The following ABLIM1 variants were observed in gnomAD, a reference collection of about 807,000 sequenced individuals.
ABLIM1 encodes the protein actin binding LIM protein 1.
ABLIM1 carries 40 observed loss-of-function variants against 107.0 expected under a neutral mutation model. The observed-to-expected ratio is 0.37, with a 90% CI of 0.29 to 0.49. The LOEUF is 0.49. ABLIM1 is among the 20% of genes least tolerant of loss of function. The pLI, the probability that ABLIM1 is intolerant of heterozygous loss-of-function variation, is 0.97. For synonymous variants in ABLIM1, 357 were observed against 357.3 expected, an observed-to-expected ratio of 1.00 and a Z score of 0.01; for missense variants, 857 against 1,008.5, an observed-to-expected ratio of 0.85 and a Z score of 2.04.
intron 6 of ABLIM1, among the ~76,000 whole-genome samples, chr10:114,498,651 T>C (rs958178204): frequency 6.6e-6 from 1 of 152,238 alleles, no homozygotes; most frequent in African/African-American, 2.4e-5. Flanking sequence ...TTATAACTTA[T>C]GTTCTGCCTA....
At chr10:114,743,138 G>A (rs890400413) in intron 1 of ABLIM1, among the ~76,000 whole-genome samples, 5 of 152,026 alleles carry the variant, frequency 3.3e-5, no homozygotes, top group East Asian at 3.8e-4. Context: ...GCATTAATAC[G>A]GTTAAAGCAA....
chr10:114,617,915 A>ACCAG (rs1222660119), intron 1 of ABLIM1, among the ~76,000 whole-genome samples: 1 of 152,120 alleles, frequency 6.6e-6, no homozygotes, highest in Non-Finnish European at 1.5e-5. Context: ...GGAGTTTGAG[A>ACCAG]CCAGCTTGGG....
At chr10:114,565,788 CTTTTTTT>C (rs577896964) in intron 4 of ABLIM1, among the ~76,000 whole-genome samples, 167 of 101,084 alleles carry the variant, frequency 1.7e-3, no homozygotes, top group Non-Finnish European at 2.7e-3. Flanking sequence ...GAAATGATTT[CTTTTTTT>C]TTTTTTTTTT....
At chr10:114,749,159 G>T (rs2082453642) in intron 1 of ABLIM1, among the ~76,000 whole-genome samples, 1 of 152,062 alleles carries the variant, frequency 6.6e-6, no homozygotes, top group African/African-American at 2.4e-5. Flanking sequence ...TCTAAACTTA[G>T]TCACATACTT....
intron 4 of ABLIM1, among the ~76,000 whole-genome samples, chr10:114,567,748 C>T (rs918626439): frequency 6.6e-6 from 1 of 152,222 alleles, no homozygotes; most frequent in African/African-American, 2.4e-5. Context: ...GGAAACCAGT[C>T]ACAGAATGTG....
chr10:114,696,153 G>A (rs568884243), intron 1 of ABLIM1, among the ~76,000 whole-genome samples: 1 of 152,250 alleles, frequency 6.6e-6, no homozygotes, highest in Non-Finnish European at 1.5e-5. Flanking sequence ...CAGTGATGAG[G>A]GCTCCTTGCC....
chr10:114,544,841 G>A (rs910646289), intron 6 of ABLIM1, among the ~76,000 whole-genome samples, 164 bp downstream of exon 6: 1 of 151,926 alleles, frequency 6.6e-6, no homozygotes, highest in Non-Finnish European at 1.5e-5. Context: ...AGCCTTTGAG[G>A]AGAGTGCAGC....
chr10:114,725,681 G>A (rs1432390884), intron 1 of ABLIM1, among the ~76,000 whole-genome samples: 1 of 151,258 alleles, frequency 6.6e-6, no homozygotes, highest in Non-Finnish European at 1.5e-5. Context: ...AACTAATTGC[G>A]GTTTCTACCG....
chr10:114,669,100 C>T (rs189792854), intron 1 of ABLIM1, among the ~76,000 whole-genome samples: 6 of 152,326 alleles, frequency 3.9e-5, no homozygotes, highest in Admixed American at 3.3e-4. Flanking sequence ...AATATGAAAA[C>T]TGCCCATCTA....
At chr10:114,693,455 C>G (rs1018620222) in intron 1 of ABLIM1, among the ~76,000 whole-genome samples, 3 of 152,170 alleles carry the variant, frequency 2.0e-5, no homozygotes, top group African/African-American at 4.8e-5. Context: ...GCAACATGCT[C>G]TCATGCGTGC....
the ABLIM1 span, among the ~76,000 whole-genome samples, chr10:114,786,859 C>T: frequency 6.6e-6 from 1 of 152,198 alleles, no homozygotes; most frequent in South Asian, 2.1e-4. Context: ...ATCCACCTCC[C>T]AGCAGCCTGC....
At chr10:114,675,719 G>A (rs1028456398) in intron 1 of ABLIM1, among the ~76,000 whole-genome samples, 6 of 152,162 alleles carry the variant, frequency 3.9e-5, no homozygotes, top group South Asian at 2.1e-4. Context: ...ACAAAGTATC[G>A]TAGACTGGGT....
At chr10:114,517,357 G>A (rs1345231322) in intron 6 of ABLIM1, among the ~76,000 whole-genome samples, 2 of 152,082 alleles carry the variant, frequency 1.3e-5, no homozygotes, top group African/African-American at 4.8e-5. Context: ...AGACTGGAGC[G>A]ATGCAGCTCC....
chr10:114,486,718 T>C (rs945004685), intron 8 of ABLIM1, among the ~76,000 whole-genome samples: 3 of 152,174 alleles, frequency 2.0e-5, no homozygotes, highest in East Asian at 1.9e-4. Context: ...GTGTTTTTTT[T>C]TCCCCCTCAA....
intron 1 of ABLIM1, among the ~76,000 whole-genome samples, chr10:114,673,544 C>T (rs2080348481): frequency 6.6e-6 from 1 of 152,188 alleles, no homozygotes; most frequent in Non-Finnish European, 1.5e-5. Flanking sequence ...ACACTCTTCC[C>T]TCTGCAGGCA....
intron 1 of ABLIM1, among the ~76,000 whole-genome samples, chr10:114,720,273 T>C (rs979702363): frequency 2.0e-5 from 3 of 152,224 alleles, no homozygotes; most frequent in African/African-American, 7.2e-5. Context: ...CAGTCTATCA[T>C]TGATGGGCAC....
At chr10:114,565,090 A>G (rs2070469313) in intron 4 of ABLIM1, among the ~76,000 whole-genome samples, 1 of 152,246 alleles carries the variant, frequency 6.6e-6, no homozygotes, top group South Asian at 2.1e-4. Flanking sequence ...AATTAGAACC[A>G]GCCAACAACT....
At chr10:114,722,305 A>G (rs2081865787) in intron 1 of ABLIM1, among the ~76,000 whole-genome samples, 1 of 152,144 alleles carries the variant, frequency 6.6e-6, no homozygotes, top group Non-Finnish European at 1.5e-5. Context: ...AGCAGGAGGA[A>G]GAGAAGGGGG....
intron 1 of ABLIM1, chr10:114,631,827 C>T (rs1398262269): frequency 7.8e-7 from 1 of 1,286,564 alleles, no homozygotes; most frequent in African/African-American, 1.5e-5. Flanking sequence ...TTGATCATTC[C>T]CCGTTAGGTG....
Sources: allele counts gnomAD v4.1 joint callset (sites outside exome capture counted in the v4.1 genomes callset), GRCh38; gene constraint gnomAD v4.1.1; transcripts MANE v1.5; gene names NCBI Gene and HGNC (gene_info 2026-07-23, HGNC 2026-07-21).